ZNF155: variants seen among roughly 807,000 people sequenced by gnomAD.
The protein encoded by ZNF155 is KRAB A domain.
A neutral mutation model predicts 11.9 loss-of-function variants in ZNF155; 15 were observed. The ratio of observed to expected loss-of-function variants is 1.26; its 90% CI spans 0.84 to 1.94. ZNF155 has a LOEUF of 1.94. Ranked by LOEUF, ZNF155 falls within the 30% of genes most tolerant of loss-of-function variation. The pLI, the probability that ZNF155 is intolerant of heterozygous loss-of-function variation, is 0.00. For synonymous variants in ZNF155, 212 were observed against 219.9 expected, an observed-to-expected ratio of 0.96 and a Z score of 0.32; for missense variants, 602 against 639.1, an observed-to-expected ratio of 0.94 and a Z score of 0.63.
intron 2 of ZNF155, chr19:43,989,116 C>T (rs1975564669): frequency 6.6e-6 from 1 of 152,196 alleles, no homozygotes; most frequent in Non-Finnish European, 1.5e-5. Flanking sequence ...TGAAAGGGTA[C>T]TTTTGATATG....
chr19:43,984,890 G>T (rs1975381625), intron 1 of ZNF155, among the ~76,000 whole-genome samples: 1 of 152,122 alleles, frequency 6.6e-6, no homozygotes, highest in African/African-American at 2.4e-5. Context: ...CATTTAACTT[G>T]TATCCGGGAC....
At chr19:43,988,595 A>G (rs769672152) in intron 2 of ZNF155, 37 bp downstream of exon 2, 3 of 1,587,346 alleles carry the variant, frequency 1.9e-6, no homozygotes, top group Admixed American at 1.7e-5. Flanking sequence ...TTAAAATTCC[A>G]TGTCACTACT....
At chr19:43,991,074 A>G (rs1219250534) in intron 2 of ZNF155, among the ~76,000 whole-genome samples, 1 of 152,216 alleles carries the variant, frequency 6.6e-6, no homozygotes, top group Non-Finnish European at 1.5e-5. Context: ...TACACAAGAA[A>G]GAATGATTCA....
intron 1 of ZNF155, among the ~76,000 whole-genome samples, chr19:43,987,931 A>G (rs972289008): frequency 2.0e-5 from 3 of 152,204 alleles, no homozygotes; most frequent in Non-Finnish European, 4.4e-5. Context: ...TGCCATCATC[A>G]TGATTCAGTT....
At chr19:43,986,728 T>C (rs902561515) in intron 1 of ZNF155, among the ~76,000 whole-genome samples, 1 of 152,126 alleles carries the variant, frequency 6.6e-6, no homozygotes, top group Non-Finnish European at 1.5e-5. Context: ...AGATTACAGG[T>C]GTGAGCCACG....
chr19:43,991,936 T>C lies in ZNF155; in HGVS notation c.235+2T>C, dbSNP rs760155743. On this transcript the variant is annotated splice_donor_variant, in intron 4 of 4. Transcript: ENST00000270014. LOFTEE classifies it high-confidence loss of function. Reference sequence around the variant, plus strand: ...CAACCCAAAGAGAAGGGAATTCAGGTAAGAACTAAGCATCTGTGTGTCCTT... The same window carrying C: ...CAACCCAAAGAGAAGGGAATTCAGGCAAGAACTAAGCATCTGTGTGTCCTT... 3.1e-6 allele frequency: 5 copies of C among 1,612,344 alleles called. No individual in the cohort carries two copies. Among genetic ancestry groups the C allele is most frequent in the Non-Finnish European group, 4.2e-6 (5 of 1,178,880 alleles).
At chr19:43,989,028 T>C (rs1279175895) in intron 2 of ZNF155, 2 of 152,598 alleles carry the variant, frequency 1.3e-5, no homozygotes, top group Non-Finnish European at 2.9e-5. Flanking sequence ...TAAGCAACAC[T>C]GCAGTGACAG....
chr19:43,997,562 AC>A lies in ZNF155; in HGVS notation c.*90del, dbSNP rs1273237970. 2 of 1,125,178 alleles carry A rather than the reference AC, an allele frequency of 1.8e-6. No homozygotes were observed. The highest frequency in any genetic ancestry group is 3.2e-5 in the African/African-American group (2 of 63,476). The allele number at this position is 1,125,178 out of a possible 1,614,324, so 69.7% of individuals were successfully genotyped here. A position where few individuals can be genotyped will look rare whatever the true frequency, so the allele number is the denominator to read the frequency against. ...AATCAGTGTAATTGGTGTATCTGTT[AC>A]CTCAAACATTTACCATTTCTTTGTG... On this transcript the variant is annotated 3_prime_UTR_variant, in exon 5 of 5. Coordinates refer to ENST00000270014, the MANE Select transcript of ZNF155 (RefSeq NM_198089.3).
chr19:43,991,232 G>T (rs1363202743), intron 2 of ZNF155, among the ~76,000 whole-genome samples: 1 of 152,132 alleles, frequency 6.6e-6, no homozygotes. Flanking sequence ...GGGGCAGTTG[G>T]CAAGATGTGT....
chr19:43,988,407 G>A, intron 1 of ZNF155, 52 bp from the exon 2 acceptor site: 1 of 850,080 alleles, frequency 1.2e-6, no homozygotes, highest in South Asian at 2.8e-5. Context: ...GAATAATGCT[G>A]CTGTGATCAT....
At position 43,991,642 on chromosome 19, in the gene ZNF155, T is replaced by C; in HGVS notation, c.110T>C (p.Met37Thr). ...CAGAGGAAGCTGTACCGAGATGTGA[T>C]GCTGGAGAACTTCAGGAACCTGCTC... ...PAQRKLYRDV[M>T]LENFRNLLSV... is the part of the protein sequence containing the mutation. Residue 37 changes from methionine (M) to threonine (T), a missense_variant, in exon 3 of 5, where the codon ATG becomes ACG. Coordinates refer to ENST00000270014, the MANE Select transcript of ZNF155 (RefSeq NM_198089.3). 1 of 1,614,004 alleles carries C rather than the reference T, an allele frequency of 6.2e-7. No individual in the cohort carries two copies. The highest frequency in any genetic ancestry group is 8.5e-7 in the Non-Finnish European group (1 of 1,180,004).
At position 43,996,756 on chromosome 19, in the gene ZNF155, G is replaced by C; in HGVS notation, c.899G>C (p.Arg300Thr). ...ATATGTGGTAAGACCTTCTATTTTA[G>C]GTCAAGACTTAAGAGCCATTCCATG... ...CDICGKTFYF[R>T]SRLKSHSMVH... The change falls in exon 5 of 5, where the codon AGG (arginine) becomes ACG (threonine). Residue 300 changes from arginine (R) to threonine (T), a missense_variant. By Grantham distance (71) the Arg-to-Thr change is moderately conservative. Transcript: ENST00000270014. 2 of 1,614,068 alleles carry C rather than the reference G, an allele frequency of 1.2e-6. No individual in the cohort carries two copies. Among genetic ancestry groups the C allele is most frequent in the South Asian group, 1.1e-5 (1 of 91,084 alleles).
intron 1 of ZNF155, among the ~76,000 whole-genome samples, chr19:43,986,679 G>C (rs577044829): frequency 6.6e-6 from 1 of 152,198 alleles, no homozygotes; most frequent in African/African-American, 2.4e-5. Context: ...TCGATCTCCT[G>C]ACCTTGTGAT....
In ZNF155 at chr19:43,994,668, A is replaced by G. The variant is rs1439223634; in HGVS notation, c.236-1425A>G. On this transcript the variant is annotated intron_variant, in intron 4 of 4. Coordinates refer to ENST00000270014, the MANE Select transcript of ZNF155 (RefSeq NM_198089.3). The stretch of plus-strand genomic sequence containing the variant: ...GAGAATAACCAAATGCGGACCTTCT[A>G]TTGTATTCTCCTGGCAGAGTAGGAT... Among the ~76,000 whole-genome samples the G allele has an allele frequency of 2.0e-5, 3 of 152,230 alleles. No individual in the cohort carries two copies. The East Asian group carries it at 5.8e-4, about 29-fold the overall frequency.
chr19:43,985,533 CT>C (rs752604890), intron 1 of ZNF155, among the ~76,000 whole-genome samples: 3,075 of 97,832 alleles, frequency 0.031, 79 homozygotes, highest in African/African-American at 0.079. Context: ...TGCTCTTTTT[CT>C]TTTTTTTTTT....
chr19:43,988,607 A>G, intron 2 of ZNF155, 49 bp downstream of exon 2: 1 of 1,572,416 alleles, frequency 6.4e-7, no homozygotes, highest in Non-Finnish European at 8.7e-7. Context: ...GTCACTACTC[A>G]TATTTTCATG....
intron 1 of ZNF155, among the ~76,000 whole-genome samples, chr19:43,985,982 G>A (rs1975428655): frequency 6.6e-6 from 1 of 152,188 alleles, no homozygotes; most frequent in Admixed American, 6.6e-5. Flanking sequence ...TTGAGGTAGA[G>A]GAACTAGCTG....
intron 2 of ZNF155, among the ~76,000 whole-genome samples, chr19:43,990,545 C>T (rs544618815): frequency 6.6e-6 from 1 of 152,288 alleles, no homozygotes; most frequent in Admixed American, 6.5e-5. Context: ...TAAGGCCACA[C>T]AGTTAGGAAG....
Position 43,997,097 on chromosome 19 carries a change from C to A in ZNF155, c.1240C>A (p.Gln414Lys). 1 of 1,613,446 alleles carries A rather than the reference C, an allele frequency of 6.2e-7. No homozygotes were observed. Among genetic ancestry groups the A allele is most frequent in the Non-Finnish European group, 8.5e-7 (1 of 1,179,450 alleles). The change falls in exon 5 of 5, where the codon CAA (glutamine) becomes AAA (lysine). Residue 414 changes from glutamine to lysine, a missense_variant. Gln to Lys is a moderately conservative substitution (Grantham distance 53). Coordinates refer to ENST00000270014, the MANE Select transcript of ZNF155 (RefSeq NM_198089.3). ...TGGAAAGGGATTTTATACAAATTCA[C>A]AACTGTCTTCCCATCAGAGATCCCA... ...ECGKGFYTNS[Q>K]LSSHQRSHSG...
Sources: gnomAD v4.1 joint callset for allele counts (sites outside exome capture counted in the v4.1 genomes callset) on GRCh38, gnomAD v4.1.1 for gene constraint, MANE v1.5 for transcripts, NCBI Gene and HGNC (gene_info 2026-07-23, HGNC 2026-07-21) for gene names.